MACROD2: variants seen among roughly 807,000 people sequenced by gnomAD.
MACROD2 encodes ADP-ribose glycohydrolase MACROD2.
MACROD2 carries 36 observed loss-of-function variants against 70.4 expected under a neutral mutation model. The observed-to-expected ratio is 0.51, with a 90% CI of 0.39 to 0.68. MACROD2 has a LOEUF of 0.68. Among genes scored for constraint, MACROD2 ranks in the 30% least tolerant of loss-of-function variants. The pLI, the probability that MACROD2 is intolerant of heterozygous loss-of-function variation, is 0.00. For synonymous variants in MACROD2, 172 were observed against 178.8 expected, an observed-to-expected ratio of 0.96 and a Z score of 0.30; for missense variants, 496 against 538.4, an observed-to-expected ratio of 0.92 and a Z score of 0.78.
At chr20:14,752,110 C>T (rs898592901) in intron 5 of MACROD2, among the ~76,000 whole-genome samples, 2 of 146,850 alleles carry the variant, frequency 1.4e-5, no homozygotes, top group African/African-American at 2.6e-5. Context: ...TTTAATATGG[C>T]CTCTCTACTT....
intron 8 of MACROD2, among the ~76,000 whole-genome samples, chr20:15,803,199 C>A (rs966699024): frequency 4.6e-5 from 7 of 151,958 alleles, no homozygotes; most frequent in African/African-American, 1.5e-4. Flanking sequence ...CAGGCAAGGA[C>A]ACAATAAACA....
At position 15,878,922 on chromosome 20, in the gene MACROD2, G is replaced by A. The variant is rs565709593; in HGVS notation, c.728-6842G>A. On this transcript the variant is annotated intron_variant, in intron 9 of 17. Coordinates refer to ENST00000684519, the MANE Select transcript of MACROD2 (RefSeq NM_001351661.2). The stretch of plus-strand genomic sequence containing the variant: ...ATTTTGTGATCAAAATAAGAACTTC[G>A]GTCATATTCATGTGTTTGTGTAGAA... Among the ~76,000 whole-genome samples, 59 of 152,116 alleles carry A rather than the reference G, an allele frequency of 3.9e-4. 1 individual carries two copies. Among genetic ancestry groups the A allele is most frequent in the African/African-American group, 1.4e-3 (57 of 41,490 alleles).
intron 8 of MACROD2, among the ~76,000 whole-genome samples, chr20:15,722,674 T>TC (rs1279066276): frequency 5.3e-5 from 8 of 151,200 alleles, no homozygotes; most frequent in Admixed American, 4.0e-4. Flanking sequence ...CAGTGGCTTA[T>TC]CTTTTTTTTA....
intron 5 of MACROD2, among the ~76,000 whole-genome samples, chr20:14,791,693 T>A (rs370946964): frequency 1.3e-5 from 2 of 152,022 alleles, no homozygotes; most frequent in East Asian, 3.9e-4. Flanking sequence ...TCATTACCAC[T>A]TGTAAATTCA....
intron 4 of MACROD2, among the ~76,000 whole-genome samples, chr20:14,637,673 G>A (rs1351134901): frequency 3.9e-5 from 6 of 152,236 alleles, no homozygotes; most frequent in Admixed American, 3.9e-4. Context: ...TTGAATTGGT[G>A]TCCAGGTGGT....
chr20:15,154,762 T>C (rs1273853335), intron 5 of MACROD2, among the ~76,000 whole-genome samples: 1 of 152,188 alleles, frequency 6.6e-6, no homozygotes. Flanking sequence ...AGGCTCCACC[T>C]CCTAATATCA....
intron 2 of MACROD2, among the ~76,000 whole-genome samples, chr20:14,020,588 T>G (rs940299601): frequency 6.6e-6 from 1 of 152,228 alleles, no homozygotes; most frequent in Non-Finnish European, 1.5e-5. Context: ...AAATCAGACA[T>G]TTGACTATTA....
intron 5 of MACROD2, among the ~76,000 whole-genome samples, chr20:15,227,894 G>C (rs1210083587): frequency 1.7e-5 from 2 of 118,624 alleles, no homozygotes; most frequent in Non-Finnish European, 3.3e-5. Context: ...GAACCCATTT[G>C]GGGAAATGCT....
chr20:15,004,792 T>C (rs1300826474), intron 5 of MACROD2, among the ~76,000 whole-genome samples: 1 of 152,234 alleles, frequency 6.6e-6, no homozygotes, highest in African/African-American at 2.4e-5. Context: ...ATGCAACTTA[T>C]TTGTCAATTT....
intron 3 of MACROD2, among the ~76,000 whole-genome samples, chr20:14,212,461 A>G (rs2081578673): frequency 6.6e-6 from 1 of 152,146 alleles, no homozygotes; most frequent in South Asian, 2.1e-4. Flanking sequence ...ACGCCTTAAG[A>G]AGAGATGCCC....
chr20:15,046,667 A>C (rs2075397103), intron 5 of MACROD2, among the ~76,000 whole-genome samples: 1 of 151,866 alleles, frequency 6.6e-6, no homozygotes, highest in South Asian at 2.1e-4. Flanking sequence ...TTTTGAAATG[A>C]CTCTTAAAGT....
At chr20:15,046,080 ATATATT>A (rs2075392337) in intron 5 of MACROD2, among the ~76,000 whole-genome samples, 1 of 152,054 alleles carries the variant, frequency 6.6e-6, no homozygotes, top group African/African-American at 2.4e-5. Context: ...TGAATAATGT[ATATATT>A]TAAGCATCTT....
intron 8 of MACROD2, among the ~76,000 whole-genome samples, chr20:15,826,167 A>C (rs948327739): frequency 1.3e-5 from 2 of 152,246 alleles, no homozygotes; most frequent in Non-Finnish European, 2.9e-5. Flanking sequence ...TAATTTAAAG[A>C]AATATTCCGA....
At chr20:15,190,167 G>A (rs1362388649) in intron 5 of MACROD2, among the ~76,000 whole-genome samples, 1 of 152,174 alleles carries the variant, frequency 6.6e-6, no homozygotes, top group Admixed American at 6.5e-5. Flanking sequence ...AGGGCAGTAT[G>A]TGTTTCTTAT....
chr20:15,339,100 G>A (rs754125334), intron 6 of MACROD2, among the ~76,000 whole-genome samples: 7 of 151,728 alleles, frequency 4.6e-5, no homozygotes, highest in Non-Finnish European at 8.8e-5. Flanking sequence ...AATATTCACC[G>A]TGATTAGAAG....
chr20:14,352,774 G>A (rs1453422746), intron 3 of MACROD2, among the ~76,000 whole-genome samples: 1 of 150,538 alleles, frequency 6.6e-6, no homozygotes, highest in Non-Finnish European at 1.5e-5. Context: ...CTTTTTCTAT[G>A]TGATCCATTT....
intron 4 of MACROD2, among the ~76,000 whole-genome samples, chr20:14,607,856 G>A (rs1982904714): frequency 6.6e-6 from 1 of 152,132 alleles, no homozygotes; most frequent in South Asian, 2.1e-4. Context: ...GCTATGGAAA[G>A]AGAAGAAAAG....
chr20:14,726,562 G>A (rs1357044647), intron 5 of MACROD2, among the ~76,000 whole-genome samples: 3 of 152,184 alleles, frequency 2.0e-5, no homozygotes, highest in Non-Finnish European at 4.4e-5. Flanking sequence ...AATGGAAATA[G>A]TAAAATGTTT....
chr20:14,391,241 G>T (rs1600191807), intron 3 of MACROD2, among the ~76,000 whole-genome samples: 1 of 152,172 alleles, frequency 6.6e-6, no homozygotes, highest in South Asian at 2.1e-4. Context: ...ATCAATGATA[G>T]ATTGGATAAA....
Sources: gnomAD v4.1 joint callset for allele counts (sites outside exome capture counted in the v4.1 genomes callset) on GRCh38, gnomAD v4.1.1 for gene constraint, MANE v1.5 for transcripts, NCBI Gene and HGNC (gene_info 2026-07-23, HGNC 2026-07-21) for gene names.